The following GALNT17 variants were observed in gnomAD, a reference collection of about 807,000 sequenced individuals.
The protein encoded by GALNT17 is UDP-GalNAc:polypeptide N-acetylgalactosaminyltransferase-like 3.
In GALNT17, 29 loss-of-function variants were observed where a neutral mutation model predicts 63.7. The observed-to-expected ratio is 0.46, with a 90% CI of 0.34 to 0.62. The LOEUF is 0.62. Ranked by LOEUF, GALNT17 falls within the 20% of genes least tolerant of loss-of-function variation. GALNT17 has a pLI of 0.01. For missense variants in GALNT17, 603 were observed against 799.6 expected (o/e 0.75, Z 2.97); for synonymous variants, 305 against 318.3 (o/e 0.96, Z 0.45).
chr7:71,486,153 A>C (rs182170577), intron 5 of GALNT17, among the ~76,000 whole-genome samples: 86 of 151,880 alleles, frequency 5.7e-4, no homozygotes, highest in African/African-American at 2.1e-3. Context: ...ACATGGCAAA[A>C]TCCCATTTCT....
intron 1 of GALNT17, among the ~76,000 whole-genome samples, chr7:71,245,919 A>C (rs554438448): frequency 6.8e-6 from 1 of 146,436 alleles, no homozygotes; most frequent in Non-Finnish European, 1.5e-5. Context: ...CCTGGACCCC[A>C]TAGCTGGTGG....
chr7:71,400,305 CT>C (rs1324217379), intron 3 of GALNT17, among the ~76,000 whole-genome samples: 2 of 152,126 alleles, frequency 1.3e-5, no homozygotes, highest in Non-Finnish European at 2.9e-5. Flanking sequence ...CCAGCTTCAT[CT>C]GTGTCCTTGC....
intron 1 of GALNT17, among the ~76,000 whole-genome samples, chr7:71,301,179 C>T (rs923429603): frequency 2.7e-5 from 4 of 150,682 alleles, no homozygotes; most frequent in South Asian, 4.2e-4. Flanking sequence ...CCCAGCTACT[C>T]GGGAGGCTGA....
intron 1 of GALNT17, among the ~76,000 whole-genome samples, chr7:71,294,752 A>G (rs1177618895): frequency 1.3e-5 from 2 of 152,014 alleles, no homozygotes; most frequent in South Asian, 2.1e-4. Flanking sequence ...ACAGACATCT[A>G]TTAGTTCTAT....
chr7:71,631,197 A>G (rs1315736449), intron 6 of GALNT17, among the ~76,000 whole-genome samples: 1 of 149,418 alleles, frequency 6.7e-6, no homozygotes. Context: ...TTTTATTTTT[A>G]CTTTTTTTTT....
chr7:71,473,658 C>A (rs1196201690), intron 5 of GALNT17, among the ~76,000 whole-genome samples: 1 of 152,038 alleles, frequency 6.6e-6, no homozygotes, highest in Non-Finnish European at 1.5e-5. Context: ...GGCCAGGAAT[C>A]CAATGTTTCA....
chr7:71,345,378 C>T (rs1026807258), intron 2 of GALNT17, among the ~76,000 whole-genome samples: 5 of 152,138 alleles, frequency 3.3e-5, no homozygotes, highest in Non-Finnish European at 5.9e-5. Context: ...TCTTCAATTT[C>T]TCCTTTGGCC....
chr7:71,235,350 G>C (rs181823477), intron 1 of GALNT17, among the ~76,000 whole-genome samples: 17 of 152,190 alleles, frequency 1.1e-4, no homozygotes, highest in Admixed American at 7.2e-4. Flanking sequence ...TGCACAGAAG[G>C]CTGCATCACC....
At position 71,216,997 on chromosome 7, in the gene GALNT17, C is replaced by T. The variant is rs566483041; in HGVS notation, c.238+83957C>T. 3.3e-5 allele frequency among the ~76,000 whole-genome samples: 5 copies of T among 151,900 alleles called. No individual in the cohort carries two copies. The South Asian group carries it at 8.3e-4, about 25-fold the overall frequency. The stretch of plus-strand genomic sequence containing the variant: ...TATTTTGTTTGAGACAGGGTCTTGC[C>T]CTGTTGTTTAGCCTGCAGTTCAGTG... On this transcript the variant is annotated intron_variant, in intron 1 of 10. Transcript: ENST00000333538.
At chr7:71,453,444 C>G (rs1451432939) in intron 5 of GALNT17, among the ~76,000 whole-genome samples, 1 of 152,024 alleles carries the variant, frequency 6.6e-6, no homozygotes, top group African/African-American at 2.4e-5. Context: ...GGTGGTAGGC[C>G]AGAAAAAAGA....
At chr7:71,133,714 C>A (rs1334998696) in intron 1 of GALNT17, among the ~76,000 whole-genome samples, 1 of 152,106 alleles carries the variant, frequency 6.6e-6, no homozygotes, top group Non-Finnish European at 1.5e-5. Flanking sequence ...TGACAGTTGT[C>A]TGAATCTGTC....
intron 4 of GALNT17, 125 bp from the exon 5 acceptor site, chr7:71,420,782 CA>C: frequency 8.9e-7 from 1 of 1,122,704 alleles, no homozygotes; most frequent in Non-Finnish European, 1.3e-6. Context: ...CCTCAGTTTG[CA>C]TCTGAGTTCC....
intron 1 of GALNT17, among the ~76,000 whole-genome samples, chr7:71,293,848 C>T (rs1363988774): frequency 1.3e-5 from 2 of 152,156 alleles, no homozygotes; most frequent in African/African-American, 4.8e-5. Context: ...AGGCACTTTT[C>T]TCTTTCTGCT....
Position 71,672,416 on chromosome 7 carries a change from T to C in GALNT17, c.1404+2307T>C, listed in dbSNP as rs61656193. Among the ~76,000 whole-genome samples, 1,117 of 152,252 alleles carry C rather than the reference T, an allele frequency of 7.3e-3. 12 individuals are homozygous for C. Among genetic ancestry groups the C allele is most frequent in the African/African-American group, 0.026 (1,071 of 41,538 alleles). Reference sequence around the variant, plus strand: ...ATCCACGCAAGAAATGCAAAGGAAATGTGTCATGGATCCAAGCTCATAAAT... The same window carrying C: ...ATCCACGCAAGAAATGCAAAGGAAACGTGTCATGGATCCAAGCTCATAAAT... On this transcript the variant is annotated intron_variant, in intron 8 of 10. Transcript: ENST00000333538.
At chr7:71,644,094 G>T (rs1211878814) in intron 6 of GALNT17, among the ~76,000 whole-genome samples, 1 of 152,038 alleles carries the variant, frequency 6.6e-6, no homozygotes, top group Admixed American at 6.6e-5. Context: ...AAAAGAATAG[G>T]GTTCCTGTGT....
At chr7:71,578,004 C>CATTCATTTATTT (rs1193645222) in intron 6 of GALNT17, among the ~76,000 whole-genome samples, 8 of 143,234 alleles carry the variant, frequency 5.6e-5, no homozygotes, top group Non-Finnish European at 1.2e-4. Context: ...GGGTTGTTTA[C>CATTCATTTATTT]ATTTATTTAT....
chr7:71,500,654 G>A (rs1252628018), intron 5 of GALNT17, among the ~76,000 whole-genome samples: 1 of 152,120 alleles, frequency 6.6e-6, no homozygotes, highest in Non-Finnish European at 1.5e-5. Flanking sequence ...ATCCTTTGCT[G>A]GCATCAGAAC....
intron 1 of GALNT17, among the ~76,000 whole-genome samples, chr7:71,223,571 T>C (rs1789626161): frequency 1.3e-5 from 2 of 152,174 alleles, no homozygotes; most frequent in Non-Finnish European, 2.9e-5. Flanking sequence ...ACTTTTATTT[T>C]AGGTTCAGGG....
chr7:71,655,045 C>A (rs1446016189), intron 6 of GALNT17, among the ~76,000 whole-genome samples: 2 of 152,182 alleles, frequency 1.3e-5, no homozygotes, highest in East Asian at 3.9e-4. Context: ...CCACCTCAGC[C>A]CCCGAAAGTG....
Sources: gnomAD v4.1 joint callset for allele counts (sites outside exome capture counted in the v4.1 genomes callset) on GRCh38, gnomAD v4.1.1 for gene constraint, MANE v1.5 for transcripts, NCBI Gene and HGNC (gene_info 2026-07-23, HGNC 2026-07-21) for gene names.